Variants in PKN2 observed in about 807,000 individuals in gnomAD.
PKN2 encodes protein kinase N2.
Under a neutral mutation model 119.1 loss-of-function variants are expected in PKN2, and 38 were observed. The observed-to-expected ratio is 0.32, with a 90% confidence interval of 0.25 to 0.42. The LOEUF is 0.42. Among genes scored for constraint, PKN2 ranks in the 10% least tolerant of loss-of-function variants. The pLI is 1.00. For synonymous variants in PKN2, 390 were observed against 384.9 expected, an observed-to-expected ratio of 1.01 and a Z score of -0.15; for missense variants, 850 against 1,165.1, an observed-to-expected ratio of 0.73 and a Z score of 3.94.
intron 2 of PKN2, among the ~76,000 whole-genome samples, chr1:88,755,390 A>G (rs542691966): frequency 6.6e-6 from 1 of 152,316 alleles, no homozygotes; most frequent in Non-Finnish European, 1.5e-5. Flanking sequence ...AATTGGGGAA[A>G]AAAAGTGAAC....
intron 8 of PKN2, among the ~76,000 whole-genome samples, chr1:88,795,650 A>C (rs946371908): frequency 6.6e-6 from 1 of 152,216 alleles, no homozygotes; most frequent in Non-Finnish European, 1.5e-5. Context: ...AGTTTCAGTT[A>C]GTTTTCTCAG....
At chr1:88,828,763 A>T in intron 19 of PKN2, 140 bp downstream of exon 19, 1 of 678,030 alleles carries the variant, frequency 1.5e-6, no homozygotes, top group Non-Finnish European at 2.4e-6. Flanking sequence ...ACTAGTAGTC[A>T]GCTATCTTTC....
intron 15 of PKN2, among the ~76,000 whole-genome samples, chr1:88,812,903 G>T (rs2100894073): frequency 6.6e-6 from 1 of 152,228 alleles, no homozygotes; most frequent in East Asian, 1.9e-4. Flanking sequence ...TACTGATCTT[G>T]TCTAAAGCAA....
chr1:88,805,415 A>G, intron 10 of PKN2, 82 bp from the exon 11 acceptor site: 1 of 1,219,110 alleles, frequency 8.2e-7, no homozygotes, highest in South Asian at 1.6e-5. Flanking sequence ...TTATAAACTA[A>G]TGGATAAGAA....
intron 1 of PKN2, among the ~76,000 whole-genome samples, chr1:88,688,106 G>A (rs925678082): frequency 6.7e-6 from 1 of 150,060 alleles, no homozygotes; most frequent in Non-Finnish European, 1.5e-5. Flanking sequence ...TTTTTCTGGA[G>A]ACGGAGTCTC....
intron 1 of PKN2, among the ~76,000 whole-genome samples, chr1:88,725,468 A>G (rs1441034161): frequency 1.3e-5 from 2 of 152,156 alleles, no homozygotes; most frequent in African/African-American, 4.8e-5. Flanking sequence ...GACATCTATT[A>G]TTGTGGTTTT....
intron 1 of PKN2, among the ~76,000 whole-genome samples, chr1:88,710,370 A>G (rs1418345464): frequency 1.3e-5 from 2 of 152,152 alleles, no homozygotes; most frequent in African/African-American, 4.8e-5. Context: ...TTGAGGAGAA[A>G]TTTTGCATAA....
At chr1:88,800,073 G>A (rs1423675807) in intron 8 of PKN2, among the ~76,000 whole-genome samples, 3 of 151,976 alleles carry the variant, frequency 2.0e-5, no homozygotes, top group African/African-American at 4.8e-5. Context: ...TCTTTTTGGC[G>A]GTGGAGCCTG....
chr1:88,758,731 A>G (rs1358404540), intron 2 of PKN2, among the ~76,000 whole-genome samples: 1 of 152,100 alleles, frequency 6.6e-6, no homozygotes, highest in East Asian at 1.9e-4. Flanking sequence ...TAATGGCTGC[A>G]TAATATTCCA....
chr1:88,756,818 T>G (rs1669224451), intron 2 of PKN2, among the ~76,000 whole-genome samples: 1 of 152,194 alleles, frequency 6.6e-6, no homozygotes, highest in Admixed American at 6.5e-5. Flanking sequence ...TTATTGCATA[T>G]TTACTATGTA....
chr1:88,758,419 T>C (rs1669304245), intron 2 of PKN2, among the ~76,000 whole-genome samples: 2 of 152,162 alleles, frequency 1.3e-5, no homozygotes, highest in Non-Finnish European at 2.9e-5. Context: ...CTGTGAAGAT[T>C]TGTTATATAA....
At position 88,758,676 on chromosome 1, in the gene PKN2, C is replaced by T. The variant is rs886260413; in HGVS notation, c.350-1546C>T. On this transcript the variant is annotated intron_variant, in intron 2 of 21. Transcript: ENST00000370521. ...ATTAGTTTGCTAAGGATAATAGCCT[C>T]CAGCTCCATCCATGTTCCTGCAGAG... Among the ~76,000 whole-genome samples, 6 of 152,214 alleles carry T rather than the reference C, an allele frequency of 3.9e-5. No individual in the cohort carries two copies. In the South Asian group the frequency reaches 1.2e-3, roughly 32 times the overall value.
chr1:88,791,615 C>T (rs1375210795), intron 8 of PKN2, among the ~76,000 whole-genome samples: 3 of 152,028 alleles, frequency 2.0e-5, no homozygotes, highest in Admixed American at 6.6e-5. Context: ...CTGTAGGCCC[C>T]GATCTGTGTA....
chr1:88,771,710 G>T lies in PKN2; in HGVS notation c.816G>T (p.Lys272Asn). Reference sequence around the variant, plus strand: ...CAAGTCAGAAGTTGGACCTTTTAAAGTATTCATTAGAGCAAAGATTAAACG... The same window carrying T: ...CAAGTCAGAAGTTGGACCTTTTAAATTATTCATTAGAGCAAAGATTAAACG... ...NESSQKLDLLKYSLEQRLNEV... is the reference protein window; with the variant it reads ...NESSQKLDLLNYSLEQRLNEV... Residue 272 changes from lysine to asparagine, a missense_variant, in exon 6 of 22, where the codon AAG becomes AAT. Transcript: ENST00000370521. 1 of 1,613,984 alleles carries T rather than the reference G, an allele frequency of 6.2e-7. No homozygotes were observed. Among genetic ancestry groups the T allele is most frequent in the Non-Finnish European group, 8.5e-7 (1 of 1,179,946 alleles).
intron 12 of PKN2, among the ~76,000 whole-genome samples, chr1:88,806,776 A>G (rs1003360308): frequency 2.0e-5 from 3 of 151,964 alleles, no homozygotes; most frequent in African/African-American, 7.2e-5. Context: ...CTGGAGTGCA[A>G]TGGCATGATC....
intron 16 of PKN2, chr1:88,815,406 A>G (rs573050580): frequency 4.8e-4 from 169 of 350,100 alleles, no homozygotes; most frequent in Non-Finnish European, 6.5e-4. Context: ...TCACTAACCA[A>G]TTCAGTTCAC....
intron 1 of PKN2, among the ~76,000 whole-genome samples, chr1:88,694,298 C>T (rs1207195354): frequency 6.6e-6 from 1 of 152,204 alleles, no homozygotes. Flanking sequence ...CCTCCATCCC[C>T]TGGCAACCAC....
chr1:88,716,061 A>T (rs1249087644), intron 1 of PKN2, among the ~76,000 whole-genome samples: 2 of 152,188 alleles, frequency 1.3e-5, no homozygotes, highest in Non-Finnish European at 2.9e-5. Context: ...CCCAGTAGTC[A>T]TTCAGGAGCA....
intron 15 of PKN2, among the ~76,000 whole-genome samples, chr1:88,812,412 C>T (rs573736770): frequency 9.2e-5 from 14 of 152,204 alleles, no homozygotes; most frequent in African/African-American, 3.4e-4. Flanking sequence ...CATAAATTCA[C>T]CCATAATGAA....
Sources: allele counts gnomAD v4.1 joint callset (sites outside exome capture counted in the v4.1 genomes callset), GRCh38; gene constraint gnomAD v4.1.1; transcripts MANE v1.5; gene names NCBI Gene and HGNC (gene_info 2026-07-23, HGNC 2026-07-21).